LPA: variants seen among roughly 807,000 people sequenced by gnomAD.
The protein encoded by LPA is apolipoprotein(a).
A neutral mutation model predicts 197.9 loss-of-function variants in LPA; 199 were observed. The ratio of observed to expected loss-of-function variants is 1.01; its 90% CI spans 0.90 to 1.13. The LOEUF (loss-of-function observed/expected upper bound fraction) is 1.13. LPA is among the 50% of genes most tolerant of loss of function. The pLI, the probability that LPA is intolerant of heterozygous loss-of-function variation, is 0.00. For missense variants in LPA, 1,853 were observed against 1,785.8 expected (o/e 1.04, Z -0.68); for synonymous variants, 715 against 639.5 (o/e 1.12, Z -1.78).
intron 1 of LPA, among the ~76,000 whole-genome samples, chr6:160,656,509 A>G (rs1780135642): frequency 6.6e-6 from 1 of 152,196 alleles, no homozygotes; most frequent in Non-Finnish European, 1.5e-5. Context: ...AACCTCCATA[A>G]GCCCCTACTT....
rs575002278 is a variant in LPA at position 160,610,565 on chromosome 6, T to G, written c.2603+997A>C. ...TAAATGTTCTTTGCCACACTTTCTG[T>G]AGAACCATTTTCTGTGCACATGCAG... On this transcript the variant is annotated intron_variant, in intron 16 of 38. Coordinates refer to ENST00000316300, the MANE Select transcript of LPA (RefSeq NM_005577.4). 2.0e-5 allele frequency among the ~76,000 whole-genome samples: 3 copies of G among 152,296 alleles called. No individual in the cohort carries two copies. The South Asian group carries it at 6.2e-4, about 32-fold the overall frequency.
At chr6:160,533,205 T>A (rs1042299740) in intron 37 of LPA, among the ~76,000 whole-genome samples, 17 of 152,170 alleles carry the variant, frequency 1.1e-4, no homozygotes, top group Non-Finnish European at 2.1e-4. Flanking sequence ...TGCACACCAT[T>A]GTGAATGTAC....
At chr6:160,550,190 C>T (rs1240107469) in intron 30 of LPA, among the ~76,000 whole-genome samples, 1 of 151,410 alleles carries the variant, frequency 6.6e-6, no homozygotes, top group Non-Finnish European at 1.5e-5. Flanking sequence ...CATTACACTC[C>T]TGCCTGGCGA....
At chr6:160,576,776 T>C (rs1370504671) in intron 28 of LPA, among the ~76,000 whole-genome samples, 2 of 147,892 alleles carry the variant, frequency 1.4e-5, no homozygotes, top group African/African-American at 5.0e-5. Context: ...CAAACAAACC[T>C]TCGGGAATTG....
chr6:160,577,429 T>A, intron 27 of LPA, 134 bp from the exon 28 acceptor site: 2 of 748,428 alleles, frequency 2.7e-6, no homozygotes, highest in Non-Finnish European at 4.5e-6. Flanking sequence ...AGCAAAAGGA[T>A]GTGAAAAGAC....
chr6:160,571,840 C>T (rs1778567722), intron 28 of LPA, among the ~76,000 whole-genome samples: 1 of 152,192 alleles, frequency 6.6e-6, no homozygotes, highest in South Asian at 2.1e-4. Context: ...CTGAGAAAGA[C>T]CACTTAGCTC....
At chr6:160,551,417 C>A (rs1171192418) in intron 30 of LPA, among the ~76,000 whole-genome samples, 1 of 152,150 alleles carries the variant, frequency 6.6e-6, no homozygotes, top group Non-Finnish European at 1.5e-5. Context: ...GAGAAATGTT[C>A]CTATATTCTG....
At position 160,537,887 on chromosome 6, in the gene LPA, T is replaced by A; in HGVS notation, c.5810A>T (p.Glu1937Val). Residue 1937 changes from glutamate (E) to valine (V), a missense_variant, in exon 37 of 39, where the codon GAA becomes GTA. Physicochemically the swap from Glu to Val is moderately radical, Grantham distance 121 (BLOSUM62 -2). Around this residue, in one of 3 missense-constraint regions of LPA, gnomAD observed 1,737 missense variants for 1,504.4 expected, o/e 1.15. Coordinates refer to ENST00000316300, the MANE Select transcript of LPA (RefSeq NM_005577.4). ...TTCTCCCCAGCCAGTGATGTAACAT[T>A]CAGTCCTGGCGGTGACCATGTAGTC... ...SPDYMVTART[E>V]CYITGWGETQ... is the part of the protein sequence containing the mutation. The A allele has an allele frequency of 1.2e-6, 2 of 1,614,238 alleles. No individual in the cohort carries two copies. The highest frequency in any genetic ancestry group is 1.7e-6 in the Non-Finnish European group (2 of 1,180,038).
chr6:160,601,187 GC>G, intron 18 of LPA, 89 bp from the exon 19 acceptor site: 1 of 1,152,822 alleles, frequency 8.7e-7, no homozygotes. Context: ...CATTACTGGT[GC>G]CTTTGAAATA....
intron 28 of LPA, among the ~76,000 whole-genome samples, chr6:160,563,871 G>A (rs1233566830): frequency 6.6e-6 from 1 of 152,150 alleles, no homozygotes; most frequent in African/African-American, 2.4e-5. Flanking sequence ...TTTCATCAAA[G>A]ACTAAGATTG....
At chr6:160,585,740 G>A (rs1277302394) in intron 25 of LPA, among the ~76,000 whole-genome samples, 1 of 152,054 alleles carries the variant, frequency 6.6e-6, no homozygotes, top group Non-Finnish European at 1.5e-5. Flanking sequence ...AGGAGTACAG[G>A]CCAAAATTTT....
intron 28 of LPA, among the ~76,000 whole-genome samples, chr6:160,560,612 C>T (rs1334832866): frequency 6.6e-6 from 1 of 151,744 alleles, no homozygotes; most frequent in East Asian, 1.9e-4. Flanking sequence ...TGTTCATATC[C>T]TTTGCCCACT....
Position 160,611,567 on chromosome 6 carries a change from T to C in LPA, c.2598A>G (p.Pro866=). 1.2e-6 allele frequency: 2 copies of C among 1,606,414 alleles called. No individual in the cohort carries two copies. The highest frequency in any genetic ancestry group is 1.7e-6 in the Non-Finnish European group (2 of 1,179,078). The change falls in exon 16 of 39, where the codon CCA becomes CCG. Residue 866 remains proline, a synonymous_variant. Transcript: ENST00000316300. ...GGTAAAGAACAAAGACATACGCATT[T>C]GGGTAGTATTCTGGGGTCCGACTAT... ...HSHSRTPEYY[P]NAGLIMNYCR...
chr6:160,563,297 T>C (rs1778393333), intron 28 of LPA, among the ~76,000 whole-genome samples: 1 of 152,220 alleles, frequency 6.6e-6, no homozygotes, highest in Non-Finnish European at 1.5e-5. Context: ...TAAGAACTTA[T>C]CTACTTCTGC....
At chr6:160,592,291 T>C (rs1194073503) in intron 22 of LPA, among the ~76,000 whole-genome samples, 1 of 152,228 alleles carries the variant, frequency 6.6e-6, no homozygotes, top group Non-Finnish European at 1.5e-5. Context: ...CATTTTCTCG[T>C]TCACCTTTTC....
At chr6:160,542,937 A>G (rs1778005456) in intron 33 of LPA, 129 bp from the exon 34 acceptor site, 5 of 1,268,998 alleles carry the variant, frequency 3.9e-6, no homozygotes, top group South Asian at 1.2e-5. Flanking sequence ...AAAATCATAA[A>G]CACTCTTTAG....
chr6:160,610,456 T>C (rs1184604879), intron 16 of LPA, among the ~76,000 whole-genome samples: 1 of 152,170 alleles, frequency 6.6e-6, no homozygotes, highest in African/African-American at 2.4e-5. Flanking sequence ...ATCTAGCTGG[T>C]AAGAACTCCA....
rs1411218044 is a variant in LPA, at chr6:160,548,567, T to G, written c.5066A>C (p.Asn1689Thr). 2 of 1,614,136 alleles carry G rather than the reference T, an allele frequency of 1.2e-6. No individual in the cohort carries two copies. Among genetic ancestry groups the G allele is most frequent in the East Asian group, 4.5e-5 (2 of 44,880 alleles). The part of the protein sequence containing the change: ...MDPSIRWEYC[N>T]LTRCSDTEGT... Reference sequence around the variant, plus strand: ...TTCTGTGTCTGAGCATCGCGTCAGGTTGCAGTACTCCCACCTGATGCTGGG... The same window carrying G: ...TTCTGTGTCTGAGCATCGCGTCAGGGTGCAGTACTCCCACCTGATGCTGGG... Residue 1689 changes from asparagine (N) to threonine (T), a missense_variant, in exon 31 of 39, where the codon AAC becomes ACC. Transcript: ENST00000316300.
intron 28 of LPA, among the ~76,000 whole-genome samples, chr6:160,568,981 G>T (rs1442592752): frequency 6.6e-6 from 1 of 152,168 alleles, no homozygotes; most frequent in African/African-American, 2.4e-5. Flanking sequence ...TGAAATAAAA[G>T]AGGACACAAA....
Sources: gnomAD v4.1 joint callset for allele counts (sites outside exome capture counted in the v4.1 genomes callset) on GRCh38, gnomAD v4.1.1 for gene constraint, gnomAD v4.1.1 regional missense constraint, MANE v1.5 for transcripts, NCBI Gene and HGNC (gene_info 2026-07-23, HGNC 2026-07-21) for gene names.